The following EVX1 variants were observed in gnomAD, a reference collection of about 807,000 sequenced individuals.
The protein encoded by EVX1 is even-skipped homeobox 1.
In EVX1, 19 loss-of-function variants were observed where a neutral mutation model predicts 28.6. The ratio of observed to expected loss-of-function variants is 0.67; its 90% CI spans 0.46 to 0.98. The LOEUF (loss-of-function observed/expected upper bound fraction) is 0.98. EVX1 is among the 50% of genes least tolerant of loss of function. The pLI is 0.00. For synonymous variants in EVX1, 324 were observed against 278.2 expected, an observed-to-expected ratio of 1.16 and a Z score of -1.64; for missense variants, 660 against 583.0, an observed-to-expected ratio of 1.13 and a Z score of -1.36.
rs1783216351 is a variant in EVX1, at chr7:27,247,175, T to C, written c.*750T>C. On this transcript the variant is annotated 3_prime_UTR_variant, in exon 3 of 3. Transcript: ENST00000496902. ...TTTTGTTGGCCAGGGAGGCTGCAGA[T>C]GCCCCAGGAGCCCTTTGCCGCTTCT... is the stretch of plus-strand genomic sequence containing the variant. 1 of 152,290 alleles carries C rather than the reference T, an allele frequency of 6.6e-6. No homozygotes were observed. The allele number at this position is 152,290 out of a possible 1,614,324, so 9.4% of individuals were successfully genotyped here. A position where few individuals can be genotyped will look rare whatever the true frequency, so the allele number is the denominator to read the frequency against.
At chr7:27,245,855 G>C (rs1193131357) in intron 2 of EVX1, 31 bp from the exon 3 acceptor site, 2 of 1,599,202 alleles carry the variant, frequency 1.3e-6, no homozygotes, top group Admixed American at 1.7e-5. Flanking sequence ...GCCAAGTCCA[G>C]CTACTGAACC....
rs779144087 is a variant in EVX1 at position 27,246,206 on chromosome 7, C to G, written c.1005C>G (p.Pro335=). 9 of 1,497,616 alleles carry G rather than the reference C, an allele frequency of 6.0e-6. No individual in the cohort carries two copies. The highest frequency in any genetic ancestry group is 2.9e-5 in the African/African-American group (2 of 68,490). 92.8% of individuals were successfully genotyped at this position (1,497,616 alleles called of 1,614,324 possible). A position where few individuals can be genotyped will look rare whatever the true frequency, so the allele number is the denominator to read the frequency against. The change falls in exon 3 of 3, where the codon CCC becomes CCG. Residue 335 remains proline (P), a synonymous_variant. Coordinates refer to ENST00000496902, the MANE Select transcript of EVX1 (RefSeq NM_001989.5). ...GCCACCCGCCGCTCTACCCCGGGCC[C>G]GCGCACGGACTGGGCGCCTCTGCCG... is the stretch of plus-strand genomic sequence containing the variant. The part of the protein sequence containing the change: ...AFRHPPLYPG[P]AHGLGASAGG...
rs1562535468 is a variant in EVX1, at chr7:27,245,141, C to A, written c.521C>A (p.Thr174Asn). Residue 174 changes from threonine to asparagine, a missense_variant, in exon 2 of 3, where the codon ACC becomes AAC. Thr to Asn is a moderately conservative substitution (Grantham distance 65). This residue lies in a region of EVX1 where 308 missense variants were observed against 256.6 expected (regional missense o/e 1.20). Transcript: ENST00000496902. ...AGTGGTGGGGGCGGCTCGCAAGGCA[C>A]CCTGGCGTGCAGCGCCAGTGACCAG... ...GGSGGGGSQG[T>N]LACSASDQMR... 1.9e-6 allele frequency: 3 copies of A among 1,613,210 alleles called. No individual in the cohort carries two copies. The highest frequency in any genetic ancestry group is 2.5e-6 in the Non-Finnish European group (3 of 1,180,004).
rs763354519 is a variant in EVX1, at chr7:27,243,069, G to A, written c.39G>A (p.Gly13=). 6.2e-7 allele frequency: 1 copy of A among 1,610,684 alleles called. No homozygotes were observed. Among genetic ancestry groups the A allele is most frequent in the Non-Finnish European group, 8.5e-7 (1 of 1,178,580 alleles). ...SRKDMVVFLD[G]GQLGTLVGKR... The stretch of plus-strand genomic sequence containing the variant: ...AGGACATGGTTGTGTTTCTGGATGG[G>A]GGTCAGCTTGGCACTCTGGTTGGCA... The change falls in exon 1 of 3, where the codon GGG becomes GGA. Residue 13 remains glycine (G), a synonymous_variant. Coordinates refer to ENST00000496902, the MANE Select transcript of EVX1 (RefSeq NM_001989.5).
Position 27,246,298 on chromosome 7 carries a change from C to T in EVX1, c.1097C>T (p.Ala366Val), listed in dbSNP as rs1168956199. The part of the protein sequence containing the change: ...PANGLAPRAA[A>V]ASDFTCASTS... The stretch of plus-strand genomic sequence containing the variant: ...AACGGGCTGGCGCCCCGGGCTGCCG[C>T]CGCCTCGGACTTCACCTGTGCCTCC... The change falls in exon 3 of 3, where the codon GCC becomes GTC. Residue 366 changes from alanine to valine, a missense_variant. Transcript: ENST00000496902. The T allele has an allele frequency of 1.3e-6, 2 of 1,585,814 alleles. No homozygotes were observed. The highest frequency in any genetic ancestry group is 1.7e-6 in the Non-Finnish European group (2 of 1,173,080).
chr7:27,245,834 C>A, intron 2 of EVX1, 52 bp from the exon 3 acceptor site: 1 of 1,580,982 alleles, frequency 6.3e-7, no homozygotes, highest in Non-Finnish European at 8.6e-7. Flanking sequence ...CTACTGGCCT[C>A]TGAGCATCGG....
At chr7:27,244,959 C>A in intron 1 of EVX1, 89 bp from the exon 2 acceptor site, 3 of 1,519,552 alleles carry the variant, frequency 2.0e-6, no homozygotes, top group Non-Finnish European at 2.6e-6. Context: ...CTTCCCAAAT[C>A]ACCCTCCCAC....
chr7:27,244,574 C>T (rs1783118518), intron 1 of EVX1: 1 of 827,088 alleles, frequency 1.2e-6, no homozygotes, highest in African/African-American at 1.8e-5. Flanking sequence ...ATACACGGAA[C>T]CTAGTACACA....
intron 1 of EVX1, 166 bp downstream of exon 1, chr7:27,243,623 G>A: frequency 1.4e-6 from 1 of 740,678 alleles, no homozygotes; most frequent in Non-Finnish European, 2.1e-6. Context: ...CTCCTACTGT[G>A]TTCTGGCATT....
At position 27,245,265 on chromosome 7, in the gene EVX1, G is replaced by A. The variant is rs777997801; in HGVS notation, c.645G>A (p.Glu215=). The A allele has an allele frequency of 3.7e-6, 6 of 1,613,302 alleles. No homozygotes were observed. In the Admixed American group the frequency reaches 5.0e-5, roughly 13 times the overall value. Residue 215 remains glutamate (E), a synonymous_variant, in exon 2 of 3, where the codon GAG becomes GAA. Transcript: ENST00000496902. ...ENYVSRPRRC[E]LAAALNLPET... is the part of the protein sequence containing the mutation. ...ACGTATCCAGGCCGCGGAGATGTGA[G>A]CTGGCGGCCGCCCTAAACCTGCCGG... is the stretch of plus-strand genomic sequence containing the variant.
chr7:27,244,682 C>T (rs575295481), intron 1 of EVX1, among the ~76,000 whole-genome samples: 8 of 152,318 alleles, frequency 5.3e-5, no homozygotes, highest in Non-Finnish European at 8.8e-5. Context: ...GTTTACAACC[C>T]TCTAGCACAA....
Position 27,246,291 on chromosome 7 carries a change from G to T in EVX1, c.1090G>T (p.Ala364Ser). Reference protein sequence around the residue: ...SGPANGLAPRAAAASDFTCAS... With the variant: ...SGPANGLAPRSAAASDFTCAS... ...CCCGGCCAACGGGCTGGCGCCCCGG[G>T]CTGCCGCCGCCTCGGACTTCACCTG... The change falls in exon 3 of 3, where the codon GCT becomes TCT. Residue 364 changes from alanine (A) to serine (S), a missense_variant. Ala to Ser is a moderately conservative substitution (Grantham distance 99). Coordinates refer to ENST00000496902, the MANE Select transcript of EVX1 (RefSeq NM_001989.5). 1 of 1,582,662 alleles carries T rather than the reference G, an allele frequency of 6.3e-7. No homozygotes were observed.
Position 27,247,604 on chromosome 7 carries a change from A to G in EVX1, c.*1179A>G, listed in dbSNP as rs1379793816. 1 of 152,108 alleles carries G rather than the reference A, an allele frequency of 6.6e-6. No individual in the cohort carries two copies. Among genetic ancestry groups the G allele is most frequent in the Non-Finnish European group, 1.5e-5 (1 of 68,024 alleles). 9.4% of individuals were successfully genotyped at this position (152,108 alleles called of 1,614,324 possible). ...CTGTGGCCTCCACCAGGGTTTGTTT[A>G]GAGCCACTCCCAAATCCTCACTCCC... On this transcript the variant is annotated 3_prime_UTR_variant, in exon 3 of 3. Transcript: ENST00000496902.
At position 27,246,808 on chromosome 7, in the gene EVX1, C is replaced by T; in HGVS notation, c.*383C>T. ...CTCACCCTCCACCTCACACTCCCTTCTCACCGGGCCCCCTCTCCCCAGCCA... is the reference window on the plus strand; with the variant it reads ...CTCACCCTCCACCTCACACTCCCTTTTCACCGGGCCCCCTCTCCCCAGCCA... On this transcript the variant is annotated 3_prime_UTR_variant, in exon 3 of 3. Transcript: ENST00000496902. 3 of 279,526 alleles carry T rather than the reference C, an allele frequency of 1.1e-5. No homozygotes were observed. Among genetic ancestry groups the T allele is most frequent in the South Asian group, 4.9e-5 (1 of 20,398 alleles). 17.3% of individuals were successfully genotyped at this position (279,526 alleles called of 1,614,324 possible).
Position 27,246,031 on chromosome 7 carries a change from T to A in EVX1, c.830T>A (p.Leu277Gln). The A allele has an allele frequency of 6.3e-7, 1 of 1,595,648 alleles. No individual in the cohort carries two copies. The change falls in exon 3 of 3, where the codon CTG (leucine) becomes CAG (glutamine). Residue 277 changes from leucine (L) to glutamine (Q), a missense_variant. Leu to Gln is a moderately radical substitution (Grantham distance 113). Around this residue, in one of 3 missense-constraint regions of EVX1, gnomAD observed 299 missense variants for 241.3 expected, o/e 1.24. Transcript: ENST00000496902. ...CTGCCCTACCCCTTCCCATCGCACC[T>A]GCCCCTGCCCTACTACTCGCCGGTG... ...GGLPYPFPSH[L>Q]PLPYYSPVGL...
Position 27,243,127 on chromosome 7 carries a change from A to G in EVX1, c.97A>G (p.Ser33Gly). The G allele has an allele frequency of 1.9e-6, 3 of 1,610,230 alleles. No individual in the cohort carries two copies. The highest frequency in any genetic ancestry group is 2.5e-6 in the Non-Finnish European group (3 of 1,178,390). ...RVSNLSEAVG[S>G]PLPEPPEKMV... ...CTCAAATTTGTCCGAAGCCGTGGGC[A>G]GCCCGCTGCCGGAGCCGCCCGAGAA... Residue 33 changes from serine (S) to glycine (G), a missense_variant, in exon 1 of 3, where the codon AGC (serine) becomes GGC (glycine). Coordinates refer to ENST00000496902, the MANE Select transcript of EVX1 (RefSeq NM_001989.5).
At position 27,247,055 on chromosome 7, in the gene EVX1, C is replaced by A. The variant is rs760022039; in HGVS notation, c.*630C>A. The A allele has an allele frequency of 6.6e-6, 1 of 152,406 alleles. No individual in the cohort carries two copies. Among genetic ancestry groups the A allele is most frequent in the Non-Finnish European group, 1.5e-5 (1 of 68,166 alleles). 9.4% of individuals were successfully genotyped at this position (152,406 alleles called of 1,614,324 possible). Reference sequence around the variant, plus strand: ...TGGAGCCTCGACTACACAGCATCTTCTGGGTCTGGCGTCTGCCAGCACCTG... The same window carrying A: ...TGGAGCCTCGACTACACAGCATCTTATGGGTCTGGCGTCTGCCAGCACCTG... On this transcript the variant is annotated 3_prime_UTR_variant, in exon 3 of 3. Coordinates refer to ENST00000496902, the MANE Select transcript of EVX1 (RefSeq NM_001989.5).
chr7:27,244,939 C>A, intron 1 of EVX1, 109 bp from the exon 2 acceptor site: 1 of 1,472,786 alleles, frequency 6.8e-7, no homozygotes, highest in Non-Finnish European at 9.1e-7. Flanking sequence ...AGGTGGCTGA[C>A]AGGGTGTCCC....
Position 27,243,510 on chromosome 7 carries a change from C to T in EVX1, c.427+53C>T, listed in dbSNP as rs545634008. The T allele has an allele frequency of 9.0e-3, 13,635 of 1,522,118 alleles. 90 individuals are homozygous for T. The highest frequency in any genetic ancestry group is 0.011 in the Non-Finnish European group (12,775 of 1,138,100). The allele number at this position is 1,522,118 out of a possible 1,614,324, so 94.3% of individuals were successfully genotyped here. A position where few individuals can be genotyped will look rare whatever the true frequency, so the allele number is the denominator to read the frequency against. On this transcript the variant is annotated intron_variant, in intron 1 of 2. Transcript: ENST00000496902. Reference sequence around the variant, plus strand: ...GGCCTCCCACTGCGCCCACCCTTCACTTCGGCGCAGGCCAGGAGGAAGACA... The same window carrying T: ...GGCCTCCCACTGCGCCCACCCTTCATTTCGGCGCAGGCCAGGAGGAAGACA...
Sources: gnomAD v4.1 joint callset for allele counts (sites outside exome capture counted in the v4.1 genomes callset) on GRCh38, gnomAD v4.1.1 for gene constraint, gnomAD v4.1.1 regional missense constraint, MANE v1.5 for transcripts, NCBI Gene and HGNC (gene_info 2026-07-23, HGNC 2026-07-21) for gene names.